PKD1: variants seen among roughly 807,000 people sequenced by gnomAD.
The protein encoded by PKD1 is polycystin 1, transient receptor potential channel interacting.
PKD1 carries 81 observed loss-of-function variants against 361.7 expected under a neutral mutation model. The observed-to-expected ratio is 0.22, with a 90% CI of 0.19 to 0.27. The LOEUF (loss-of-function observed/expected upper bound fraction) is 0.27. PKD1 is among the 10% of genes least tolerant of loss of function. PKD1 has a pLI of 1.00. For missense variants in PKD1, 6,399 were observed against 6,118.3 expected, an observed-to-expected ratio of 1.05 and a Z score of -1.53; for synonymous variants, 3,615 against 2,818.3, an observed-to-expected ratio of 1.28 and a Z score of -8.95.
In PKD1 at chr16:2,088,898, C is replaced by CAG. The variant is rs2091283426; in HGVS notation, c.*827_*828dup. On this transcript the variant is annotated 3_prime_UTR_variant, in exon 46 of 46. Coordinates refer to ENST00000262304, the MANE Select transcript of PKD1 (RefSeq NM_001009944.3). ...GCGCGCGCGCACACACACACACACA[C>CAG]AGTCACCTTCCTCCACCCTGGGAGC... 1 of 431,588 alleles carries CAG rather than the reference C, an allele frequency of 2.3e-6. No homozygotes were observed. Among genetic ancestry groups the CAG allele is most frequent in the South Asian group, 2.5e-5 (1 of 39,332 alleles). The allele number at this position is 431,588 out of a possible 1,614,324, so 26.7% of individuals were successfully genotyped here.
chr16:2,132,396 C>T (rs912742824), intron 1 of PKD1, among the ~76,000 whole-genome samples: 3 of 151,502 alleles, frequency 2.0e-5, no homozygotes, highest in Admixed American at 1.3e-4. Context: ...AGTAAAACCC[C>T]GTCTCTACTA....
chr16:2,088,882 C>A lies in PKD1; in HGVS notation c.*845G>T. 4.6e-6 allele frequency: 1 copy of A among 215,770 alleles called. No individual in the cohort carries two copies. The highest frequency in any genetic ancestry group is 7.7e-5 in the Admixed American group (1 of 12,942). The allele number at this position is 215,770 out of a possible 1,614,324, so 13.4% of individuals were successfully genotyped here. A position where few individuals can be genotyped will look rare whatever the true frequency, so the allele number is the denominator to read the frequency against. The stretch of plus-strand genomic sequence containing the variant: ...CAGCACACTCGCGCGTGCGCGCGCG[C>A]ACACACACACACACACAGTCACCTT... On this transcript the variant is annotated 3_prime_UTR_variant, in exon 46 of 46. Transcript: ENST00000262304.
Position 2,109,428 on chromosome 16 carries a change from G to A in PKD1, c.5739C>T (p.Ala1913=), listed in dbSNP as rs753873060. Residue 1913 remains alanine (A), a synonymous_variant, in exon 15 of 46, where the codon GCC becomes GCT. Coordinates refer to ENST00000262304, the MANE Select transcript of PKD1 (RefSeq NM_001009944.3). Reference sequence around the variant, plus strand: ...GCAGGCGGAAGGTGACAGCTGAGCCGGCAGCCAGCAGGATCTGAAAATGGA... The same window carrying A: ...GCAGGCGGAAGGTGACAGCTGAGCCAGCAGCCAGCAGGATCTGAAAATGGA... The part of the protein sequence containing the change: ...QLVHFQILLA[A]GSAVTFRLQV... 59 of 1,603,858 alleles carry A rather than the reference G, an allele frequency of 3.7e-5. No individual in the cohort carries two copies. In the African/African-American group the frequency reaches 3.9e-4, roughly 11 times the overall value.
chr16:2,089,396 T>C lies in PKD1; in HGVS notation c.*331A>G. 2.3e-6 allele frequency: 1 copy of C among 433,710 alleles called. No individual in the cohort carries two copies. Among genetic ancestry groups the C allele is most frequent in the Admixed American group, 3.8e-5 (1 of 26,090 alleles). The allele number at this position is 433,710 out of a possible 1,614,324, so 26.9% of individuals were successfully genotyped here. ...TAACCCTCCCTGAAGCCAGCAGCCT[T>C]AGCAGTGGGGGACATCTGCCCAGGG... On this transcript the variant is annotated 3_prime_UTR_variant, in exon 46 of 46. Coordinates refer to ENST00000262304, the MANE Select transcript of PKD1 (RefSeq NM_001009944.3).
At position 2,112,913 on chromosome 16, in the gene PKD1, G is replaced by A. The variant is rs199562751; in HGVS notation, c.3036C>T (p.Thr1012=). Residue 1012 remains threonine, a synonymous_variant, in exon 13 of 46, where the codon ACC becomes ACT. Transcript: ENST00000262304. ...VSNVTVNYNV[T]VERMNRMQGL... ...CCTGCATCCTGTTCATCCGCTCCAC[G>A]GTTACGTTGTAGTTCACGGTGACGT... 3.5e-5 allele frequency: 57 copies of A among 1,606,102 alleles called. No homozygotes were observed. In the East Asian group the frequency reaches 4.7e-4, roughly 13 times the overall value.
In PKD1 at chr16:2,108,441, T is replaced by A. The variant is rs756310748; in HGVS notation, c.6726A>T (p.Thr2242=). 5 of 1,610,536 alleles carry A rather than the reference T, an allele frequency of 3.1e-6. No individual in the cohort carries two copies. Among genetic ancestry groups the A allele is most frequent in the Admixed American group, 3.3e-5 (2 of 60,016 alleles). Residue 2242 remains threonine (T), a synonymous_variant, in exon 15 of 46, where the codon ACA becomes ACT. Transcript: ENST00000262304. ...FVVSFGDTPL[T]QSIQANVTVA... ...CCGTCACATTGGCCTGGATGCTCTGTGTCAGTGGCGTGTCCCCAAATGACA... is the reference window on the plus strand; with the variant it reads ...CCGTCACATTGGCCTGGATGCTCTGAGTCAGTGGCGTGTCCCCAAATGACA...
intron 13 of PKD1, 104 bp downstream of exon 13, chr16:2,112,684 C>A: frequency 7.7e-7 from 1 of 1,304,480 alleles, no homozygotes; most frequent in South Asian, 1.2e-5. Context: ...ACAGGGAAAC[C>A]GAGGCTCAGA....
At chr16:2,128,949 C>T (rs1356962022) in intron 1 of PKD1, among the ~76,000 whole-genome samples, 1 of 151,748 alleles carries the variant, frequency 6.6e-6, no homozygotes, top group Non-Finnish European at 1.5e-5. Flanking sequence ...CTGCAACCTC[C>T]GCCTCCCGGG....
Position 2,109,000 on chromosome 16 carries a change from T to C in PKD1, c.6167A>G (p.Glu2056Gly). 1 of 1,610,450 alleles carries C rather than the reference T, an allele frequency of 6.2e-7. No individual in the cohort carries two copies. Among genetic ancestry groups the C allele is most frequent in the South Asian group, 1.1e-5 (1 of 91,016 alleles). ...LGSENRTLVL[E>G]VQDAVQYVAL... ...CACATACTGGACGGCGTCCTGAACC[T>C]CCAGCACCAGCGTGCGGTTCTCACT... The change falls in exon 15 of 46, where the codon GAG becomes GGG. Residue 2056 changes from glutamate (E) to glycine (G), a missense_variant. Physicochemically the swap from Glu to Gly is moderately conservative, Grantham distance 98 (BLOSUM62 -2). Coordinates refer to ENST00000262304, the MANE Select transcript of PKD1 (RefSeq NM_001009944.3).
At chr16:2,107,019 A>G (rs2092362378) in intron 16 of PKD1, 71 bp from the exon 17 acceptor site, 2 of 1,451,116 alleles carry the variant, frequency 1.4e-6, no homozygotes, top group Non-Finnish European at 1.9e-6. Flanking sequence ...GGACCCATGG[A>G]GGATGCTGCT....
At chr16:2,098,043 G>A (rs1483466588) in intron 30 of PKD1, 59 bp from the exon 31 acceptor site, 7 of 870,100 alleles carry the variant, frequency 8.0e-6, no homozygotes, top group Admixed American at 3.6e-5. Context: ...GGACAGGGAT[G>A]AGAAGCCACC....
Position 2,088,752 on chromosome 16 carries a change from G to C in PKD1, c.*975C>G, listed in dbSNP as rs2091249607. 2.5e-6 allele frequency: 3 copies of C among 1,182,938 alleles called. No individual in the cohort carries two copies. The highest frequency in any genetic ancestry group is 2.7e-4 in the Middle Eastern group (1 of 3,768). The allele number at this position is 1,182,938 out of a possible 1,614,324, so 73.3% of individuals were successfully genotyped here. A position where few individuals can be genotyped will look rare whatever the true frequency, so the allele number is the denominator to read the frequency against. ...TTATTGACTTTGTCTGCTTGGTGCG[G>C]GGGTTGGGGGGGTGTCGAGGCTCTA... On this transcript the variant is annotated 3_prime_UTR_variant, in exon 46 of 46. Coordinates refer to ENST00000262304, the MANE Select transcript of PKD1 (RefSeq NM_001009944.3).
intron 1 of PKD1, among the ~76,000 whole-genome samples, chr16:2,128,741 G>C (rs1443049586): frequency 1.3e-5 from 2 of 152,146 alleles, no homozygotes; most frequent in African/African-American, 4.8e-5. Context: ...GTTTCACTCT[G>C]TCTCCCAGGC....
In PKD1 at chr16:2,109,117, G is replaced by A. The variant is rs144768249; in HGVS notation, c.6050C>T (p.Ser2017Leu). The part of the protein sequence containing the change: ...YFSLQKVQGD[S>L]LVILSGRDVT... ...GTCGCGGCCCGACAGGATGACCAGC[G>A]AGTCGCCCTGGACCTTCTGCAGCGA... The change falls in exon 15 of 46, where the codon TCG becomes TTG. Residue 2017 changes from serine (S) to leucine (L), a missense_variant. Coordinates refer to ENST00000262304, the MANE Select transcript of PKD1 (RefSeq NM_001009944.3). The A allele has an allele frequency of 3.7e-5, 60 of 1,602,706 alleles. No individual in the cohort carries two copies. The highest frequency in any genetic ancestry group is 3.6e-4 in the Middle Eastern group (2 of 5,522).
chr16:2,094,823 T>A (rs1230186965), intron 34 of PKD1: 2 of 153,738 alleles, frequency 1.3e-5, no homozygotes, highest in African/African-American at 4.8e-5. Context: ...CGAAGACACG[T>A]TGAGGGGGAG....
rs2091398035 is a variant in PKD1, at chr16:2,089,990, C to T, written c.12649G>A (p.Ala4217Thr). The T allele has an allele frequency of 6.2e-7, 1 of 1,611,478 alleles. No homozygotes were observed. Among genetic ancestry groups the T allele is most frequent in the Non-Finnish European group, 8.5e-7 (1 of 1,179,516 alleles). The change falls in exon 46 of 46, where the codon GCC becomes ACC. Residue 4217 changes from alanine (A) to threonine (T), a missense_variant. Physicochemically the swap from Ala to Thr is moderately conservative, Grantham distance 58. Coordinates refer to ENST00000262304, the MANE Select transcript of PKD1 (RefSeq NM_001009944.3). ...TGGGTGAGCAGGGCCTCGAACACGGCTTGGAGGCGGGAGGGCTCAGGCTCA... is the reference window on the plus strand; with the variant it reads ...TGGGTGAGCAGGGCCTCGAACACGGTTTGGAGGCGGGAGGGCTCAGGCTCA... Reference protein sequence around the residue: ...RCEPEPSRLQAVFEALLTQFD... With the variant: ...RCEPEPSRLQTVFEALLTQFD...
chr16:2,130,152 A>G (rs1435729021), intron 1 of PKD1, among the ~76,000 whole-genome samples: 1 of 152,240 alleles, frequency 6.6e-6, no homozygotes, highest in Non-Finnish European at 1.5e-5. Flanking sequence ...TTTCTCACGC[A>G]GGCACGTTCT....
In PKD1 at chr16:2,090,381, C is replaced by T. The variant is rs746661449; in HGVS notation, c.12348G>A (p.Glu4116=). 6.2e-7 allele frequency: 1 copy of T among 1,612,712 alleles called. No individual in the cohort carries two copies. The highest frequency in any genetic ancestry group is 8.5e-7 in the Non-Finnish European group (1 of 1,179,930). Residue 4116 remains glutamate (E), a synonymous_variant, in exon 45 of 46, where the codon GAG becomes GAA. Transcript: ENST00000262304. ...LRWRYHALRG[E]LYRPAWEPQD... ...GGGGCTCCCAGGCCGGCCGGTACAG[C>T]TCTCCACGCAAGGCGTGGTAGCGCC...
Position 2,100,281 on chromosome 16 carries a change from G to A in PKD1, c.9597C>T (p.His3199=), listed in dbSNP as rs1415765353. 1.5e-5 allele frequency: 24 copies of A among 1,610,702 alleles called. No homozygotes were observed. In the Admixed American group the frequency reaches 2.3e-4, roughly 16 times the overall value. ...KGLSPAWFLQ[H]VIVRDLQTAR... ...CCGTCTGCAGGTCCCTGACGATGAC[G>A]TGCTGCAGGAACCAGGCAGGGCTGA... The change falls in exon 28 of 46, where the codon CAC becomes CAT. Residue 3199 remains histidine, a synonymous_variant. Transcript: ENST00000262304. This position sits in a 1 kb window ranked among gnomAD's most constrained non-coding sequence, Gnocchi z 4.4.
Sources: allele counts gnomAD v4.1 joint callset (sites outside exome capture counted in the v4.1 genomes callset), GRCh38; gene constraint gnomAD v4.1.1; non-coding constraint Gnocchi (gnomAD v3.1); transcripts MANE v1.5; gene names NCBI Gene and HGNC (gene_info 2026-07-23, HGNC 2026-07-21).